SEMA6D: variants seen among roughly 807,000 people sequenced by gnomAD.
SEMA6D encodes semaphorin 6D.
Under a neutral mutation model 106.6 loss-of-function variants are expected in SEMA6D, and 35 were observed. The observed-to-expected ratio is 0.33, with a 90% confidence interval of 0.25 to 0.44. The LOEUF (loss-of-function observed/expected upper bound fraction) is 0.44, where lower values mean the gene tolerates loss of function less well. Ranked by LOEUF, SEMA6D falls within the 20% of genes least tolerant of loss-of-function variation. SEMA6D has a pLI of 1.00. For synonymous variants in SEMA6D, 499 were observed against 487.7 expected (o/e 1.02, Z -0.31); for missense variants, 1,185 against 1,345.9 (o/e 0.88, Z 1.87).
chr15:47,517,735 G>C (rs1011808807), intron 3 of SEMA6D, among the ~76,000 whole-genome samples: 5 of 151,994 alleles, frequency 3.3e-5, no homozygotes, highest in African/African-American at 1.2e-4. Context: ...AAGCAAAGTG[G>C]CCTCCACCCA....
At chr15:47,695,077 TAGAC>T (rs1186039199) in intron 4 of SEMA6D, among the ~76,000 whole-genome samples, 1 of 152,164 alleles carries the variant, frequency 6.6e-6, no homozygotes, top group Non-Finnish European at 1.5e-5. Flanking sequence ...CTAAGTTACA[TAGAC>T]AGGCAGATTG....
intron 1 of SEMA6D, among the ~76,000 whole-genome samples, chr15:47,289,508 A>G (rs2035513815): frequency 6.6e-6 from 1 of 152,118 alleles, no homozygotes; most frequent in African/African-American, 2.4e-5. Flanking sequence ...CAGTGTAGCA[A>G]CAAAGAGCCC....
chr15:47,557,424 A>G (rs1325935800), intron 3 of SEMA6D, among the ~76,000 whole-genome samples: 1 of 152,208 alleles, frequency 6.6e-6, no homozygotes, highest in East Asian at 1.9e-4. Context: ...AATGCTCAGT[A>G]TGAACCAAAT....
At chr15:47,285,684 C>T (rs746750788) in intron 1 of SEMA6D, among the ~76,000 whole-genome samples, 87 of 152,146 alleles carry the variant, frequency 5.7e-4, no homozygotes, top group Non-Finnish European at 1.0e-3. Flanking sequence ...CAAAAAACGT[C>T]ACTTACTGTG....
chr15:47,198,000 C>G (rs987569618), intron 1 of SEMA6D, among the ~76,000 whole-genome samples: 1 of 152,096 alleles, frequency 6.6e-6, no homozygotes, highest in Non-Finnish European at 1.5e-5. Flanking sequence ...TTGGTATTAC[C>G]TGACACATGT....
chr15:47,402,591 T>C (rs2146018320), intron 1 of SEMA6D, among the ~76,000 whole-genome samples: 1 of 152,300 alleles, frequency 6.6e-6, no homozygotes, highest in South Asian at 2.1e-4. Flanking sequence ...TCTGCACAGC[T>C]AATAAGTGGA....
intron 3 of SEMA6D, among the ~76,000 whole-genome samples, chr15:47,539,348 T>G (rs1797232): frequency 2.6e-5 from 4 of 151,828 alleles, no homozygotes; most frequent in Admixed American, 1.3e-4. Flanking sequence ...TAATGTTATA[T>G]TAATGCAATT....
intron 1 of SEMA6D, among the ~76,000 whole-genome samples, chr15:47,248,225 A>G (rs2033308786): frequency 6.6e-6 from 1 of 152,228 alleles, no homozygotes; most frequent in African/African-American, 2.4e-5. Flanking sequence ...TAGGTTCCCC[A>G]TATTCTAAGC....
At position 47,771,609 on chromosome 15, in the gene SEMA6D, C is replaced by T. The variant is rs34884840; in HGVS notation, c.3046C>T (p.Pro1016Ser). ...GAAGGTGGACTATATTCAGGGAACA[C>T]CAGTGAGTGTTCATCTGCAGCCTTC... Reference protein sequence around the residue: ...GAKVDYIQGTPVSVHLQPSLS... With the variant: ...GAKVDYIQGTSVSVHLQPSLS... The change falls in exon 19 of 19, where the codon CCA becomes TCA. Residue 1016 changes from proline to serine, a missense_variant. Around this residue, in one of 3 missense-constraint regions of SEMA6D, gnomAD observed 750 missense variants for 783.5 expected, o/e 0.96. Transcript: ENST00000536845. The T allele has an allele frequency of 1.9e-4, 302 of 1,614,064 alleles. No individual in the cohort carries two copies. In the African/African-American group the frequency reaches 3.5e-3, roughly 19 times the overall value.
chr15:47,639,245 A>T (rs1279098161), intron 4 of SEMA6D, among the ~76,000 whole-genome samples: 1 of 152,224 alleles, frequency 6.6e-6, no homozygotes, highest in Non-Finnish European at 1.5e-5. Context: ...TGCTCTAAAG[A>T]AATACAATGG....
chr15:47,493,329 T>C (rs1272686192), intron 3 of SEMA6D, among the ~76,000 whole-genome samples: 2 of 152,130 alleles, frequency 1.3e-5, no homozygotes, highest in African/African-American at 4.8e-5. Flanking sequence ...TTAGCAACTC[T>C]CACCTCTCAG....
chr15:47,455,382 G>C (rs12593841), intron 2 of SEMA6D, among the ~76,000 whole-genome samples: 1 of 151,620 alleles, frequency 6.6e-6, no homozygotes, highest in Admixed American at 6.6e-5. Flanking sequence ...TTCTTTTTTA[G>C]TTTTTATTTT....
At chr15:47,380,344 G>GAACT (rs2039594259) in intron 1 of SEMA6D, 1 of 152,052 alleles carries the variant, frequency 6.6e-6, no homozygotes, top group African/African-American at 2.4e-5. Context: ...TCAGTTTCCA[G>GAACT]GTTCAGTCCC....
At chr15:47,520,460 T>G (rs560171976) in intron 3 of SEMA6D, among the ~76,000 whole-genome samples, 1 of 152,276 alleles carries the variant, frequency 6.6e-6, no homozygotes, top group South Asian at 2.1e-4. Context: ...TAGAGATGCT[T>G]TAACGCCTTT....
At chr15:47,407,387 AC>A (rs57637507) in intron 1 of SEMA6D, among the ~76,000 whole-genome samples, 2,527 of 135,178 alleles carry the variant, frequency 0.019, 110 homozygotes, top group African/African-American at 0.062. Flanking sequence ...AAAAAAAAAA[AC>A]CAAAACAACA....
At chr15:47,521,680 A>G (rs577697387) in intron 3 of SEMA6D, among the ~76,000 whole-genome samples, 2 of 152,216 alleles carry the variant, frequency 1.3e-5, no homozygotes, top group Non-Finnish European at 2.9e-5. Context: ...TAAACTAGGA[A>G]ACAAACATAT....
intron 1 of SEMA6D, chr15:47,274,830 G>C (rs535530235): frequency 1.3e-5 from 2 of 152,112 alleles, no homozygotes; most frequent in Non-Finnish European, 2.9e-5. Context: ...CAATCAGGAA[G>C]TTTGATGGTC....
At chr15:47,516,087 C>T (rs913555437) in intron 3 of SEMA6D, among the ~76,000 whole-genome samples, 7 of 152,094 alleles carry the variant, frequency 4.6e-5, no homozygotes, top group Admixed American at 1.3e-4. Flanking sequence ...CTTGCACAGT[C>T]GTCCCCATTG....
intron 1 of SEMA6D, among the ~76,000 whole-genome samples, chr15:47,218,102 T>G (rs1054339915): frequency 1.3e-5 from 2 of 152,104 alleles, no homozygotes; most frequent in African/African-American, 4.8e-5. Flanking sequence ...TTAATTAACC[T>G]TTTAGAGCTT....
Sources: gnomAD v4.1 joint callset for allele counts (sites outside exome capture counted in the v4.1 genomes callset) on GRCh38, gnomAD v4.1.1 for gene constraint, gnomAD v4.1.1 regional missense constraint, MANE v1.5 for transcripts, NCBI Gene and HGNC (gene_info 2026-07-23, HGNC 2026-07-21) for gene names.